Variants in QARS1 observed in about 807,000 individuals in gnomAD.
The protein encoded by QARS1 is glutaminyl-tRNA synthetase 1, also known as glutamine--tRNA ligase.
In QARS1, 79 loss-of-function variants were observed where a neutral mutation model predicts 106.9. The ratio of observed to expected loss-of-function variants is 0.74; its 90% CI spans 0.62 to 0.89. The LOEUF (loss-of-function observed/expected upper bound fraction) is 0.89. Ranked by LOEUF, QARS1 falls within the 40% of genes least tolerant of loss-of-function variation. QARS1 has a pLI of 0.00. For synonymous variants in QARS1, 395 were observed against 367.7 expected (o/e 1.07, Z -0.85); for missense variants, 966 against 997.2 (o/e 0.97, Z 0.42).
intron 9 of QARS1, 30 bp from the exon 10 acceptor site, chr3:49,101,471 TA>T (rs1340837233): frequency 3.1e-6 from 5 of 1,593,426 alleles, no homozygotes; most frequent in Middle Eastern, 1.7e-4. Context: ...AAAAGAGAAA[TA>T]AAGTCTGAGC....
rs769657593 is a variant in QARS1 at position 49,103,398 on chromosome 3, C to A, written c.463G>T (p.Ala155Ser). ...TTGCCATCTGCCCACTTCAGCACAG[C>A]CCGAGCCTCTCCTAGAAGCATAGGC... ...NMGLLMGEAR[A>S]VLKWADGKMI... Residue 155 changes from alanine (A) to serine (S), a missense_variant, in exon 5 of 24, where the codon GCT becomes TCT. Transcript: ENST00000306125. 1 of 1,614,142 alleles carries A rather than the reference C, an allele frequency of 6.2e-7. No homozygotes were observed. The highest frequency in any genetic ancestry group is 8.5e-7 in the Non-Finnish European group (1 of 1,180,040).
chr3:49,104,060 G>A (rs2042506489), intron 2 of QARS1, 88 bp from the exon 3 acceptor site: 2 of 1,307,688 alleles, frequency 1.5e-6, no homozygotes, highest in Non-Finnish European at 2.2e-6. Context: ...TCCAAGGATA[G>A]TCTGGCCTCC....
chr3:49,100,165 C>T (rs777678600), intron 13 of QARS1, 25 bp downstream of exon 13: 9 of 1,614,092 alleles, frequency 5.6e-6, no homozygotes, highest in Non-Finnish European at 7.6e-6. Flanking sequence ...CCCACCCAAA[C>T]CCAGATGCTC....
chr3:49,099,773 TC>T lies in QARS1; in HGVS notation c.1375del (p.Glu459AsnfsTer45). The T allele has an allele frequency of 1.9e-6, 3 of 1,614,024 alleles. No individual in the cohort carries two copies. The highest frequency in any genetic ancestry group is 2.5e-6 in the Non-Finnish European group (3 of 1,179,996). On this transcript the variant is annotated frameshift_variant, in exon 15 of 24. Coordinates refer to ENST00000306125, the MANE Select transcript of QARS1 (RefSeq NM_005051.3). LOFTEE classifies it high-confidence loss of function. ...EHITHSLCTK[E>X]FQARRSSYFW... ...CCAGCTCCCTCACCGGGCCTGGAAT[TC>T]CTTGGTGCAGAGTGAGTGAGTGATG... is the stretch of plus-strand genomic sequence containing the variant.
rs767616063 is a variant in QARS1, at chr3:49,103,901, C to T, written c.337G>A (p.Val113Met). The T allele has an allele frequency of 9.3e-5, 150 of 1,613,944 alleles. No homozygotes were observed. The highest frequency in any genetic ancestry group is 4.9e-4 in the Middle Eastern group (3 of 6,082). The part of the protein sequence containing the change: ...DTVDFERECG[V>M]GVIVTPEQIE... Reference sequence around the variant, plus strand: ...TGCTCTGGGGTCACAATGACACCCACGCCACATTCCCGCTCGAAGTCCACA... The same window carrying T: ...TGCTCTGGGGTCACAATGACACCCATGCCACATTCCCGCTCGAAGTCCACA... Residue 113 changes from valine (V) to methionine (M), a missense_variant, in exon 3 of 24, where the codon GTG becomes ATG. By Grantham distance (21) the Val-to-Met change is conservative. Transcript: ENST00000306125.
intron 10 of QARS1, 130 bp from the exon 11 acceptor site, chr3:49,100,804 T>C (rs572608309): frequency 5.0e-6 from 4 of 804,208 alleles, no homozygotes; most frequent in South Asian, 2.9e-5. Context: ...GAGTCTTGAT[T>C]ATCTTGCACC....
Position 49,100,588 on chromosome 3 carries a change from C to T in QARS1, c.963G>A (p.Met321Ile). Residue 321 changes from methionine (M) to isoleucine (I), a missense_variant, in exon 11 of 24, where the codon ATG becomes ATA. Met to Ile is a conservative substitution (Grantham distance 10, BLOSUM62 1). Coordinates refer to ENST00000306125, the MANE Select transcript of QARS1 (RefSeq NM_005051.3). ...EAKFFTAICD[M>I]VAWLGYTPYK... ...CCTAGTCCATACCTAGCCAGGCTAC[C>T]ATGTCACAGATGGCCGTGAAGAACT... 6.2e-7 allele frequency: 1 copy of T among 1,606,234 alleles called. No individual in the cohort carries two copies. Among genetic ancestry groups the T allele is most frequent in the South Asian group, 1.1e-5 (1 of 90,878 alleles).
chr3:49,100,481 A>C, intron 11 of QARS1, 23 bp from the exon 12 acceptor site: 1 of 1,612,182 alleles, frequency 6.2e-7, no homozygotes, highest in East Asian at 2.2e-5. Flanking sequence ...GAAACAAAGT[A>C]TGAGCAGCCA....
chr3:49,100,542 C>T, intron 11 of QARS1, 33 bp downstream of exon 11: 1 of 1,591,180 alleles, frequency 6.3e-7, no homozygotes, highest in Admixed American at 1.7e-5. Context: ...GCCCACTAAC[C>T]ACCAGCCCTT....
In QARS1 at chr3:49,100,324, A is replaced by C. The variant is rs745361620; in HGVS notation, c.1056-26T>G. The C allele has an allele frequency of 6.2e-7, 1 of 1,614,096 alleles. No homozygotes were observed. Among genetic ancestry groups the C allele is most frequent in the Non-Finnish European group, 8.5e-7 (1 of 1,180,002 alleles). ...CTGTGGGGAAGCGGTGTGAGTGCCC[A>C]GCATGGCTGTGACCTAGTCAGTCTG... is the stretch of plus-strand genomic sequence containing the variant. On this transcript the variant is annotated intron_variant, in intron 12 of 23. Coordinates refer to ENST00000306125, the MANE Select transcript of QARS1 (RefSeq NM_005051.3).
At chr3:49,096,835 A>AAAAAAAAG (rs71077764) in intron 23 of QARS1, among the ~76,000 whole-genome samples, 1 of 139,750 alleles carries the variant, frequency 7.2e-6, no homozygotes, top group African/African-American at 2.7e-5. Context: ...AAAAAAAAAA[A>AAAAAAAAG]TTTGCCGGGC....
rs1360916845 is a variant in QARS1 at position 49,098,183 on chromosome 3, T to C, written c.2151+9A>G. 1.2e-6 allele frequency: 2 copies of C among 1,614,186 alleles called. No individual in the cohort carries two copies. The stretch of plus-strand genomic sequence containing the variant: ...CCTACCTCCCTCACCCCAAACCTCA[T>C]GAACCTACCAGGTTCAGGTCACTTA... On this transcript the variant is annotated intron_variant, in intron 22 of 23. Transcript: ENST00000306125.
In QARS1 at chr3:49,102,186, G is replaced by A. The variant is rs953874678; in HGVS notation, c.631+19C>T. On this transcript the variant is annotated intron_variant, in intron 7 of 23. Transcript: ENST00000306125. ...AGTCAGGGAGCTGAATGCTGTGACA[G>A]GAGTCTCAAGCTTCTCACCATTCTC... 6 of 1,614,160 alleles carry A rather than the reference G, an allele frequency of 3.7e-6. No homozygotes were observed. Among genetic ancestry groups the A allele is most frequent in the East Asian group, 2.2e-5 (1 of 44,888 alleles).
intron 5 of QARS1, among the ~76,000 whole-genome samples, chr3:49,103,077 C>A (rs1040972429): frequency 2.0e-5 from 3 of 152,158 alleles, no homozygotes; most frequent in Non-Finnish European, 4.4e-5. Context: ...CCCACCACAG[C>A]CCCACAAATT....
Position 49,099,265 on chromosome 3 carries a change from G to A in QARS1, c.1615-12C>T. ...ACAGTCACTCCCACCTGGCAGGAAA[G>A]TTCAGCATCAGTCACAGCTACAATC... On this transcript the variant is annotated splice_polypyrimidine_tract_variant and intron_variant, in intron 17 of 23. Transcript: ENST00000306125. 1 of 1,614,138 alleles carries A rather than the reference G, an allele frequency of 6.2e-7. No homozygotes were observed. The highest frequency in any genetic ancestry group is 8.5e-7 in the Non-Finnish European group (1 of 1,180,000).
At chr3:49,096,108 C>T in intron 23 of QARS1, 29 bp from the exon 24 acceptor site, 1 of 1,612,604 alleles carries the variant, frequency 6.2e-7, no homozygotes, top group African/African-American at 1.3e-5. Context: ...AGGATGACCA[C>T]CAACCCAGAA....
chr3:49,096,085 G>C lies in QARS1; in HGVS notation c.2278-6C>G, dbSNP rs768999595. 1.9e-6 allele frequency: 3 copies of C among 1,613,628 alleles called. No homozygotes were observed. In the Admixed American group the frequency reaches 5.0e-5, roughly 27 times the overall value. ...ACAGTTCGGTTAAAGACAAGCTGGA[G>C]GGCAGAGGGAAAAGGATGACCACCA... On this transcript the variant is annotated splice_region_variant and splice_polypyrimidine_tract_variant and intron_variant, in intron 23 of 23. Coordinates refer to ENST00000306125, the MANE Select transcript of QARS1 (RefSeq NM_005051.3).
intron 19 of QARS1, 80 bp from the exon 20 acceptor site, chr3:49,098,772 C>G (rs904866836): frequency 6.6e-7 from 1 of 1,505,888 alleles, no homozygotes; most frequent in African/African-American, 1.4e-5. Flanking sequence ...CCGTGTCTGG[C>G]AAAGATTGGT....
At position 49,101,225 on chromosome 3, in the gene QARS1, G is replaced by A. The variant is rs184329483; in HGVS notation, c.876+130C>T. On this transcript the variant is annotated intron_variant, in intron 10 of 23. Coordinates refer to ENST00000306125, the MANE Select transcript of QARS1 (RefSeq NM_005051.3). ...ATTCCTAGGTATCTGTCACACATGT[G>A]GTTCCTTTCCATGGCCTCTGCCCAC... 60 of 692,518 alleles carry A rather than the reference G, an allele frequency of 8.7e-5. No homozygotes were observed. The Admixed American group carries it at 1.3e-3, about 15-fold the overall frequency. 42.9% of individuals were successfully genotyped at this position (692,518 alleles called of 1,614,324 possible). A position where few individuals can be genotyped will look rare whatever the true frequency, so the allele number is the denominator to read the frequency against.
Sources: gnomAD v4.1 joint callset for allele counts (sites outside exome capture counted in the v4.1 genomes callset) on GRCh38, gnomAD v4.1.1 for gene constraint, MANE v1.5 for transcripts, NCBI Gene and HGNC (gene_info 2026-07-23, HGNC 2026-07-21) for gene names.